ACYP2: variants seen among roughly 807,000 people sequenced by gnomAD.
ACYP2 encodes acylphosphatase-2.
ACYP2 carries 12 observed loss-of-function variants against 11.2 expected under a neutral mutation model. The ratio of observed to expected loss-of-function variants is 1.08; its 90% confidence interval spans 0.69 to 1.74. ACYP2 has a LOEUF of 1.74. Among genes scored for constraint, ACYP2 ranks in the 40% most tolerant of loss-of-function variants. The pLI, the probability that ACYP2 is intolerant of heterozygous loss-of-function variation, is 0.00. For missense variants in ACYP2, 134 were observed against 101.9 expected (o/e 1.31, Z -1.35); for synonymous variants, 43 against 32.2 (o/e 1.33, Z -1.13).
intron 6 of ACYP2, among the ~76,000 whole-genome samples, chr2:54,200,008 T>C (rs1390275861): frequency 6.6e-6 from 1 of 152,362 alleles, no homozygotes; most frequent in East Asian, 1.9e-4. Context: ...TTAACAAATA[T>C]TCCTTTAACT....
chr2:54,295,740 T>C (rs1689495193), intron 6 of ACYP2, among the ~76,000 whole-genome samples: 2 of 152,182 alleles, frequency 1.3e-5, no homozygotes, highest in South Asian at 4.1e-4. Flanking sequence ...GGGAATCTAA[T>C]AGTAAGACCT....
intron 4 of ACYP2, among the ~76,000 whole-genome samples, chr2:54,075,288 C>G (rs953219999): frequency 6.6e-6 from 1 of 152,110 alleles, no homozygotes; most frequent in Non-Finnish European, 1.5e-5. Flanking sequence ...CGCTTCAGCT[C>G]AGGAGTTCGA....
chr2:54,186,191 T>C (rs1683984941), intron 6 of ACYP2, among the ~76,000 whole-genome samples: 1 of 152,138 alleles, frequency 6.6e-6, no homozygotes, highest in Admixed American at 6.6e-5. Flanking sequence ...TAAATGTCAT[T>C]GAGTAATTGT....
At chr2:54,094,781 G>A (rs1014233030) in intron 4 of ACYP2, among the ~76,000 whole-genome samples, 7 of 147,274 alleles carry the variant, frequency 4.8e-5, no homozygotes, top group African/African-American at 7.6e-5. Context: ...CAAGTGATCC[G>A]CCCACCTCAG....
At chr2:54,137,163 AT>A (rs1192853391) in intron 5 of ACYP2, among the ~76,000 whole-genome samples, 5 of 152,146 alleles carry the variant, frequency 3.3e-5, no homozygotes, top group African/African-American at 1.2e-4. Flanking sequence ...CAATTATAAC[AT>A]TTCTGTGCCA....
intron 6 of ACYP2, among the ~76,000 whole-genome samples, chr2:54,144,519 C>T (rs1441010721): frequency 2.6e-5 from 4 of 151,802 alleles, no homozygotes; most frequent in Non-Finnish European, 5.9e-5. Flanking sequence ...ACTAAAAATA[C>T]AAAAATTAGC....
At chr2:54,267,982 A>G (rs1412057710) in intron 6 of ACYP2, among the ~76,000 whole-genome samples, 1 of 152,222 alleles carries the variant, frequency 6.6e-6, no homozygotes, top group Admixed American at 6.5e-5. Flanking sequence ...AAGTCCAAGT[A>G]ATGCTCATAC....
chr2:54,199,163 C>T (rs952697585), intron 6 of ACYP2, among the ~76,000 whole-genome samples: 21 of 152,204 alleles, frequency 1.4e-4, no homozygotes, highest in Admixed American at 3.3e-4. Flanking sequence ...GCCCTGTGAA[C>T]GGTCCTTGCT....
In ACYP2 at chr2:54,219,906, T is replaced by TATA. The variant is rs70944154; in HGVS notation, c.404+81158_404+81159insATA. On this transcript the variant is annotated intron_variant, in intron 6 of 6. Transcript: ENST00000607452. Reference sequence around the variant, plus strand: ...GTATATATATATATATATATATATATTTTTTTTTTTTTTTTAGTAGAGATG... The same window carrying TATA: ...GTATATATATATATATATATATATATATATTTTTTTTTTTTTTTAGTAGAGATG... 3.4e-4 allele frequency among the ~76,000 whole-genome samples: 16 copies of TATA among 46,632 alleles called. No individual in the cohort carries two copies. In the South Asian group the frequency reaches 5.0e-3, roughly 15 times the overall value. 30.6% of individuals were successfully genotyped at this position (46,632 alleles called of 152,430 possible). A position where few individuals can be genotyped will look rare whatever the true frequency, so the allele number is the denominator to read the frequency against.
intron 6 of ACYP2, among the ~76,000 whole-genome samples, chr2:54,296,586 A>C (rs1033257042): frequency 3.3e-5 from 5 of 152,208 alleles, no homozygotes; most frequent in African/African-American, 1.2e-4. Flanking sequence ...TGTCTCCACC[A>C]CTGTTTATGA....
intron 6 of ACYP2, among the ~76,000 whole-genome samples, chr2:54,147,472 G>A (rs1351526049): frequency 6.6e-6 from 1 of 152,056 alleles, no homozygotes; most frequent in Admixed American, 6.6e-5. Context: ...TAGGCACTTA[G>A]TCTGTAACAT....
intron 3 of ACYP2, among the ~76,000 whole-genome samples, chr2:54,056,404 C>G (rs1486008752): frequency 1.3e-5 from 2 of 152,216 alleles, no homozygotes; most frequent in Admixed American, 6.5e-5. Flanking sequence ...TAGGTTTGAT[C>G]ATATCCATTG....
chr2:54,068,232 A>G lies in ACYP2; in HGVS notation c.277+10872A>G, dbSNP rs761494571. On this transcript the variant is annotated intron_variant, in intron 4 of 6. Coordinates refer to ENST00000607452, the MANE Select transcript of ACYP2 (RefSeq NM_001320586.2). ...AATTTGAGAGAGGAACTGGGTTTGT[A>G]CAGTCCTATCCATTTGTTGTACGCA... 2.0e-5 allele frequency among the ~76,000 whole-genome samples: 3 copies of G among 152,160 alleles called. No homozygotes were observed. The South Asian group carries it at 6.2e-4, about 32-fold the overall frequency.
intron 6 of ACYP2, among the ~76,000 whole-genome samples, chr2:54,157,537 G>A (rs921157516): frequency 6.6e-6 from 1 of 152,052 alleles, no homozygotes; most frequent in Non-Finnish European, 1.5e-5. Context: ...TACATAATAT[G>A]TGTATCTTTT....
At chr2:53,980,732 A>G (rs2104509908) in intron 2 of ACYP2, among the ~76,000 whole-genome samples, 1 of 151,926 alleles carries the variant, frequency 6.6e-6, no homozygotes, top group Admixed American at 6.6e-5. Context: ...CATTCATGGT[A>G]AGCGCCCTGT....
chr2:54,138,617 T>C (rs955002957), intron 5 of ACYP2, 22 bp from the exon 3 acceptor site: 2 of 1,585,104 alleles, frequency 1.3e-6, no homozygotes, highest in African/African-American at 1.3e-5. Context: ...CACTTTATTC[T>C]TCTTGTTTTT....
intron 4 of ACYP2, among the ~76,000 whole-genome samples, chr2:54,073,332 G>T (rs908776742): frequency 6.6e-6 from 1 of 151,564 alleles, no homozygotes; most frequent in Non-Finnish European, 1.5e-5. Context: ...TTTGAGTCCA[G>T]CCTGGGCAAT....
chr2:54,144,142 A>T (rs1453153341), intron 6 of ACYP2, among the ~76,000 whole-genome samples: 2 of 151,866 alleles, frequency 1.3e-5, no homozygotes, highest in African/African-American at 4.8e-5. Context: ...ACTAATTTTT[A>T]AAAATTTTTT....
intron 6 of ACYP2, among the ~76,000 whole-genome samples, chr2:54,213,695 A>T (rs564766177): frequency 6.6e-6 from 1 of 152,132 alleles, no homozygotes; most frequent in South Asian, 2.1e-4. Context: ...GCATTTTTTC[A>T]TGTGCTGTTG....
Sources: allele counts gnomAD v4.1 joint callset (sites outside exome capture counted in the v4.1 genomes callset), GRCh38; gene constraint gnomAD v4.1.1; transcripts MANE v1.5; gene names NCBI Gene and HGNC (gene_info 2026-07-23, HGNC 2026-07-21).